The following DLG2 variants were observed in gnomAD, a reference collection of about 807,000 sequenced individuals.
DLG2 encodes disks large homolog 2.
Under a neutral mutation model 132.5 loss-of-function variants are expected in DLG2, and 45 were observed. The observed-to-expected ratio is 0.34, with a 90% confidence interval of 0.27 to 0.44. The LOEUF (loss-of-function observed/expected upper bound fraction) is 0.44, where lower values mean the gene tolerates loss of function less well. Ranked by LOEUF, DLG2 falls within the 20% of genes least tolerant of loss-of-function variation. The pLI, the probability that DLG2 is intolerant of heterozygous loss-of-function variation, is 1.00. For missense variants in DLG2, 1,045 were observed against 1,196.9 expected (o/e 0.87, Z 1.87); for synonymous variants, 424 against 419.6 (o/e 1.01, Z -0.13).
intron 4 of DLG2, among the ~76,000 whole-genome samples, chr11:85,274,766 A>G (rs2077779998): frequency 6.6e-6 from 1 of 152,190 alleles, no homozygotes; most frequent in South Asian, 2.1e-4. Context: ...CTGTTTGTAA[A>G]TAAATTATCT....
chr11:83,655,827 C>T (rs2072226664), intron 18 of DLG2, among the ~76,000 whole-genome samples: 1 of 152,202 alleles, frequency 6.6e-6, no homozygotes, highest in Non-Finnish European at 1.5e-5. Flanking sequence ...ATTCCACTGC[C>T]CCCAATGTGT....
intron 16 of DLG2, among the ~76,000 whole-genome samples, chr11:83,842,526 A>C (rs1173943036): frequency 2.4e-5 from 3 of 124,220 alleles, no homozygotes; most frequent in African/African-American, 8.9e-5. Context: ...CCTGTCTCAA[A>C]AAAAAAAAAA....
intron 7 of DLG2, among the ~76,000 whole-genome samples, chr11:84,523,942 A>C (rs1228531832): frequency 1.3e-5 from 2 of 152,190 alleles, no homozygotes; most frequent in East Asian, 3.8e-4. Flanking sequence ...ACATAAAAGA[A>C]GTAGAAAATT....
In DLG2 at chr11:83,792,899, G is replaced by A. The variant is rs1015277119; in HGVS notation, c.1723-6107C>T. ...CTAAAAGTGTAGTATTAATTTATATGCCAACAAATAATATACGATTTTCAA... is the reference window on the plus strand; with the variant it reads ...CTAAAAGTGTAGTATTAATTTATATACCAACAAATAATATACGATTTTCAA... On this transcript the variant is annotated intron_variant, in intron 17 of 27. Transcript: ENST00000376104. 2.0e-5 allele frequency among the ~76,000 whole-genome samples: 3 copies of A among 152,052 alleles called. No individual in the cohort carries two copies. In the East Asian group the frequency reaches 5.8e-4, roughly 29 times the overall value.
chr11:85,342,038 G>A (rs1230924435), intron 3 of DLG2, among the ~76,000 whole-genome samples: 1 of 152,174 alleles, frequency 6.6e-6, no homozygotes, highest in Non-Finnish European at 1.5e-5. Context: ...AGTGGTGAGT[G>A]CATGTGAAGG....
intron 7 of DLG2, among the ~76,000 whole-genome samples, chr11:84,289,257 T>C (rs1349346204): frequency 6.6e-6 from 1 of 152,096 alleles, no homozygotes; most frequent in Non-Finnish European, 1.5e-5. Flanking sequence ...AGCACAGTCA[T>C]TAACGAACAA....
intron 8 of DLG2, among the ~76,000 whole-genome samples, chr11:84,185,763 T>C (rs893177185): frequency 6.6e-6 from 1 of 152,200 alleles, no homozygotes; most frequent in Non-Finnish European, 1.5e-5. Context: ...CCTAATTTAT[T>C]GAGAGTTTTT....
At chr11:83,860,352 A>G (rs1262396750) in intron 16 of DLG2, among the ~76,000 whole-genome samples, 1 of 152,210 alleles carries the variant, frequency 6.6e-6, no homozygotes, top group Non-Finnish European at 1.5e-5. Flanking sequence ...GGAGCTGCCC[A>G]AGACCATGGG....
chr11:84,345,682 C>T (rs1034505404), intron 7 of DLG2, among the ~76,000 whole-genome samples: 1 of 151,872 alleles, frequency 6.6e-6, no homozygotes, highest in Non-Finnish European at 1.5e-5. Context: ...TTCTCTGGTA[C>T]TTTGTAATGA....
chr11:84,006,950 C>A (rs1000362077), intron 11 of DLG2, among the ~76,000 whole-genome samples: 1 of 151,600 alleles, frequency 6.6e-6, no homozygotes, highest in Non-Finnish European at 1.5e-5. Flanking sequence ...CTGCAATCTG[C>A]TAAGAAACTA....
chr11:83,653,435 C>T (rs1205389966), intron 18 of DLG2, among the ~76,000 whole-genome samples: 4 of 152,134 alleles, frequency 2.6e-5, no homozygotes, highest in Non-Finnish European at 4.4e-5. Context: ...TTTCTATGCA[C>T]GTTACTATTT....
At chr11:84,411,117 T>C (rs560081541) in intron 7 of DLG2, among the ~76,000 whole-genome samples, 12 of 152,218 alleles carry the variant, frequency 7.9e-5, no homozygotes, top group Admixed American at 3.9e-4. Context: ...GAGGTAGAAT[T>C]TCACCATGTG....
At chr11:83,490,799 A>C (rs553124139) in intron 21 of DLG2, among the ~76,000 whole-genome samples, 1 of 152,140 alleles carries the variant, frequency 6.6e-6, no homozygotes, top group South Asian at 2.1e-4. Context: ...ATGTCATGAA[A>C]ACCATAAAAA....
chr11:84,027,485 T>TA (rs58933585), intron 11 of DLG2, among the ~76,000 whole-genome samples: 2,737 of 151,576 alleles, frequency 0.018, 76 homozygotes, highest in African/African-American at 0.063. Context: ...GAGACAAATT[T>TA]AAAAAAAAAT....
chr11:85,388,336 C>G (rs930372389), intron 3 of DLG2, among the ~76,000 whole-genome samples: 1 of 152,136 alleles, frequency 6.6e-6, no homozygotes, highest in Non-Finnish European at 1.5e-5. Flanking sequence ...CATGCTTAAC[C>G]CTGTCCCCAC....
At chr11:83,990,549 A>C (rs1484029906) in intron 11 of DLG2, among the ~76,000 whole-genome samples, 2 of 152,148 alleles carry the variant, frequency 1.3e-5, no homozygotes, top group African/African-American at 4.8e-5. Context: ...TGGGGCCTGA[A>C]GCAGAAGCTT....
chr11:83,888,596 CTACTT>C (rs910320262), intron 15 of DLG2, among the ~76,000 whole-genome samples: 62 of 152,258 alleles, frequency 4.1e-4, no homozygotes, highest in African/African-American at 1.3e-3. Flanking sequence ...ATTGGAAAAA[CTACTT>C]TAAAGTTCAT....
chr11:83,856,742 T>G (rs886636055), intron 16 of DLG2, among the ~76,000 whole-genome samples: 14 of 152,240 alleles, frequency 9.2e-5, no homozygotes, highest in Non-Finnish European at 1.8e-4. Context: ...CTCAGATGCG[T>G]AATTTGGAAA....
intron 6 of DLG2, among the ~76,000 whole-genome samples, chr11:84,878,693 TTAAAG>T (rs2086808561): frequency 6.6e-6 from 1 of 152,098 alleles, no homozygotes; most frequent in Non-Finnish European, 1.5e-5. Flanking sequence ...ATACCAGAAC[TTAAAG>T]TATAGAAAAA....
Sources: allele counts gnomAD v4.1 joint callset (sites outside exome capture counted in the v4.1 genomes callset), GRCh38; gene constraint gnomAD v4.1.1; transcripts MANE v1.5; gene names NCBI Gene and HGNC (gene_info 2026-07-23, HGNC 2026-07-21).